The following MPP7 variants were observed in gnomAD, a reference collection of about 807,000 sequenced individuals.
MPP7 encodes the protein MAGUK p55 subfamily member 7.
In MPP7, 60 loss-of-function variants were observed where a neutral mutation model predicts 76.5. The ratio of observed to expected loss-of-function variants is 0.78; its 90% CI spans 0.64 to 0.97. MPP7 has a LOEUF of 0.97. MPP7 is among the 50% of genes least tolerant of loss of function. The pLI is 0.00. For synonymous variants in MPP7, 237 were observed against 244.5 expected, an observed-to-expected ratio of 0.97 and a Z score of 0.29; for missense variants, 641 against 694.0, an observed-to-expected ratio of 0.92 and a Z score of 0.86.
intron 12 of MPP7, among the ~76,000 whole-genome samples, chr10:28,080,813 A>G (rs1443567668): frequency 2.6e-5 from 4 of 152,234 alleles, no homozygotes; most frequent in African/African-American, 7.2e-5. Flanking sequence ...CAGGAATTTC[A>G]TTATGACTTT....
intron 12 of MPP7, among the ~76,000 whole-genome samples, chr10:28,082,669 A>G (rs1263852877): frequency 6.6e-6 from 1 of 151,928 alleles, no homozygotes; most frequent in African/African-American, 2.4e-5. Context: ...GAGTCTCACT[A>G]TGTTGCCCAG....
chr10:28,090,089 C>T (rs2133450586), intron 11 of MPP7, among the ~76,000 whole-genome samples: 1 of 152,136 alleles, frequency 6.6e-6, no homozygotes, highest in East Asian at 1.9e-4. Context: ...GGCTCCCAGG[C>T]AGGTGGGATT....
chr10:28,300,201 A>C (rs1350346216), intron 1 of MPP7, among the ~76,000 whole-genome samples: 4 of 152,218 alleles, frequency 2.6e-5, no homozygotes, highest in African/African-American at 9.6e-5. Flanking sequence ...TGAAATCTCC[A>C]GTAAGCGCCC....
At chr10:28,213,243 G>A (rs887526791) in intron 2 of MPP7, among the ~76,000 whole-genome samples, 1 of 152,020 alleles carries the variant, frequency 6.6e-6, no homozygotes, top group Non-Finnish European at 1.5e-5. Flanking sequence ...ACGGGAAGTG[G>A]GGTAAAGAAG....
chr10:28,310,886 G>A (rs1841286208), intron 2 of MPP7, among the ~76,000 whole-genome samples: 2 of 152,166 alleles, frequency 1.3e-5, no homozygotes, highest in Non-Finnish European at 2.9e-5. Flanking sequence ...TGCGGGTTTT[G>A]CCATTTAAAA....
chr10:28,186,273 G>T (rs1437845572), intron 3 of MPP7, among the ~76,000 whole-genome samples: 1 of 151,648 alleles, frequency 6.6e-6, no homozygotes, highest in Admixed American at 6.6e-5. Context: ...TTGAACCCAG[G>T]AGGTGGAGGT....
At chr10:28,208,609 C>T (rs1047038203) in intron 2 of MPP7, among the ~76,000 whole-genome samples, 1 of 152,184 alleles carries the variant, frequency 6.6e-6, no homozygotes, top group Admixed American at 6.5e-5. Context: ...TAAGAAAACA[C>T]AAGAATAAGG....
chr10:28,067,585 C>T (rs1193105265), intron 13 of MPP7, among the ~76,000 whole-genome samples: 1 of 152,042 alleles, frequency 6.6e-6, no homozygotes, highest in Admixed American at 6.6e-5. Context: ...TTGGAGAGTC[C>T]CAGTCCCACA....
chr10:28,138,149 A>T (rs533541348), intron 5 of MPP7, among the ~76,000 whole-genome samples: 1 of 152,334 alleles, frequency 6.6e-6, no homozygotes, highest in South Asian at 2.1e-4. Flanking sequence ...ATGACTGCCT[A>T]AATTATAATG....
intron 3 of MPP7, among the ~76,000 whole-genome samples, chr10:28,164,809 G>T (rs193085748): frequency 1.3e-5 from 2 of 152,114 alleles, no homozygotes; most frequent in South Asian, 2.1e-4. Context: ...ACTCAGAAGT[G>T]GGGCAGGGCT....
chr10:28,113,655 TC>T (rs1834573585), intron 11 of MPP7, among the ~76,000 whole-genome samples: 1 of 151,592 alleles, frequency 6.6e-6, no homozygotes, highest in South Asian at 2.1e-4. Flanking sequence ...CACGACCACC[TC>T]CCCTGCATCA....
intron 3 of MPP7, among the ~76,000 whole-genome samples, chr10:28,170,467 A>G (rs1836643535): frequency 6.6e-6 from 1 of 151,520 alleles, no homozygotes; most frequent in Non-Finnish European, 1.5e-5. Context: ...ACTGCATCCA[A>G]CTTCCTCTAT....
chr10:28,299,884 A>G (rs1287589976), intron 1 of MPP7, among the ~76,000 whole-genome samples: 1 of 150,284 alleles, frequency 6.7e-6, no homozygotes, highest in African/African-American at 2.5e-5. Flanking sequence ...CTCCTGCCTC[A>G]GCCTCCCGAG....
At chr10:28,205,706 T>G (rs1261031433) in intron 2 of MPP7, among the ~76,000 whole-genome samples, 1 of 152,108 alleles carries the variant, frequency 6.6e-6, no homozygotes, top group Non-Finnish European at 1.5e-5. Flanking sequence ...GCTGCGGCAA[T>G]GGCAAGGGAA....
At chr10:28,197,612 C>A (rs1264071655) in intron 3 of MPP7, among the ~76,000 whole-genome samples, 1 of 152,128 alleles carries the variant, frequency 6.6e-6, no homozygotes, top group East Asian at 1.9e-4. Flanking sequence ...CAAATGAGGC[C>A]TATCTTAGAA....
intron 3 of MPP7, among the ~76,000 whole-genome samples, chr10:28,195,205 C>A (rs570120738): frequency 2.8e-4 from 43 of 152,236 alleles, no homozygotes; most frequent in Non-Finnish European, 4.6e-4. Context: ...CCACTTCATA[C>A]CCACCAGGAC....
intron 1 of MPP7, among the ~76,000 whole-genome samples, chr10:28,257,797 T>A (rs1433438209): frequency 3.9e-4 from 60 of 152,024 alleles, no homozygotes; most frequent in Admixed American, 3.7e-3. Flanking sequence ...TAACTCTTTT[T>A]TATAACAGGT....
intron 1 of MPP7, among the ~76,000 whole-genome samples, chr10:28,276,778 C>T (rs1309631029): frequency 2.6e-5 from 4 of 152,052 alleles, no homozygotes; most frequent in African/African-American, 7.3e-5. Context: ...ATTTTGAGAA[C>T]AGCACAATGT....
intron 1 of MPP7, among the ~76,000 whole-genome samples, chr10:28,273,290 A>G (rs948613121): frequency 1.3e-5 from 2 of 152,208 alleles, no homozygotes; most frequent in Non-Finnish European, 2.9e-5. Flanking sequence ...GAATCATCTA[A>G]AAGAGACTAC....
Sources: gnomAD v4.1 joint callset for allele counts (sites outside exome capture counted in the v4.1 genomes callset) on GRCh38, gnomAD v4.1.1 for gene constraint, MANE v1.5 for transcripts, NCBI Gene and HGNC (gene_info 2026-07-23, HGNC 2026-07-21) for gene names.